The following CPNE8 variants were observed in gnomAD, a reference collection of about 807,000 sequenced individuals.
The protein encoded by CPNE8 is copine-8.
CPNE8 carries 45 observed loss-of-function variants against 81.5 expected under a neutral mutation model. That is an observed-to-expected ratio of 0.55 (90% confidence interval 0.44 to 0.71). The LOEUF is 0.71. CPNE8 is among the 30% of genes least tolerant of loss of function. The pLI is 0.00. For missense variants in CPNE8, 594 were observed against 672.1 expected, an observed-to-expected ratio of 0.88 and a Z score of 1.28; for synonymous variants, 252 against 226.3, an observed-to-expected ratio of 1.11 and a Z score of -1.02.
intron 9 of CPNE8, 62 bp downstream of exon 9, chr12:38,762,050 C>T: frequency 2.4e-6 from 2 of 827,550 alleles, no homozygotes; most frequent in African/African-American, 1.8e-5. Flanking sequence ...CCCACTTCCT[C>T]AAATCACTGT....
intron 10 of CPNE8, among the ~76,000 whole-genome samples, chr12:38,755,739 C>G (rs1941442090): frequency 6.6e-6 from 1 of 151,912 alleles, no homozygotes; most frequent in Non-Finnish European, 1.5e-5. Flanking sequence ...CAATGTGTTT[C>G]AATAAAAAGA....
intron 1 of CPNE8, among the ~76,000 whole-genome samples, chr12:38,879,430 A>C (rs1308437170): frequency 6.6e-6 from 1 of 152,150 alleles, no homozygotes; most frequent in Non-Finnish European, 1.5e-5. Context: ...AGCCAAACTA[A>C]GGAAAAAATC....
At chr12:38,837,925 G>A (rs1943412518) in intron 5 of CPNE8, among the ~76,000 whole-genome samples, 1 of 152,104 alleles carries the variant, frequency 6.6e-6, no homozygotes, top group Admixed American at 6.6e-5. Context: ...AGAAAGATTT[G>A]AAAGGAAATA....
chr12:38,879,416 C>G (rs1424860045), intron 1 of CPNE8, among the ~76,000 whole-genome samples: 2 of 151,942 alleles, frequency 1.3e-5, no homozygotes, highest in Non-Finnish European at 2.9e-5. Flanking sequence ...AGGACCCTGT[C>G]TTTAGCCAAA....
intron 3 of CPNE8, among the ~76,000 whole-genome samples, chr12:38,852,479 G>A (rs1336016431): frequency 1.3e-5 from 2 of 149,934 alleles, no homozygotes; most frequent in Non-Finnish European, 3.0e-5. Context: ...GCGCATGCCT[G>A]TAATCCCAGT....
chr12:38,679,431 G>T (rs193114413), intron 16 of CPNE8: 4,819 of 340,650 alleles, frequency 0.014, 57 homozygotes, highest in South Asian at 0.045. Flanking sequence ...AAAATTCATA[G>T]AAATTTTATA....
chr12:38,654,020 G>A lies in CPNE8; in HGVS notation c.1557C>T (p.Ser519=). ...GGACATCTTTAGCCAATCTAGCCAT[G>A]CTCAGTATGTGGTTTCCACTTCTGT... ...YIDRSGNHIL[S]MARLAKDVLA... The change falls in exon 20 of 20, where the codon AGC becomes AGT. Residue 519 remains serine, a synonymous_variant. Coordinates refer to ENST00000331366, the MANE Select transcript of CPNE8 (RefSeq NM_153634.3). The A allele has an allele frequency of 6.2e-7, 1 of 1,613,338 alleles. No individual in the cohort carries two copies. Among genetic ancestry groups the A allele is most frequent in the Non-Finnish European group, 8.5e-7 (1 of 1,179,782 alleles).
intron 10 of CPNE8, among the ~76,000 whole-genome samples, chr12:38,759,485 T>C (rs1191818534): frequency 1.3e-5 from 2 of 152,116 alleles, no homozygotes; most frequent in African/African-American, 4.8e-5. Flanking sequence ...AGAATGCACA[T>C]AGAACTAAAT....
chr12:38,851,951 T>G (rs1943653761), intron 3 of CPNE8, among the ~76,000 whole-genome samples: 1 of 152,148 alleles, frequency 6.6e-6, no homozygotes, highest in Admixed American at 6.5e-5. Context: ...CTATTTCCTC[T>G]TACTAGAATG....
At chr12:38,893,786 ATAAC>A (rs1944346579) in intron 1 of CPNE8, among the ~76,000 whole-genome samples, 1 of 152,260 alleles carries the variant, frequency 6.6e-6, no homozygotes, top group South Asian at 2.1e-4. Context: ...AAGATAATAA[ATAAC>A]TTTTACTCTA....
chr12:38,885,986 C>T (rs996602923), intron 1 of CPNE8, among the ~76,000 whole-genome samples: 5 of 152,166 alleles, frequency 3.3e-5, no homozygotes, highest in East Asian at 1.9e-4. Context: ...GTACAGCATA[C>T]AGAACGGTGA....
At chr12:38,829,549 T>A in intron 5 of CPNE8, 94 bp from the exon 6 acceptor site, 1 of 811,586 alleles carries the variant, frequency 1.2e-6, no homozygotes, top group Non-Finnish European at 2.0e-6. Context: ...TTTTCATTGC[T>A]GAAATATTGA....
In CPNE8 at chr12:38,725,034, T is replaced by C. The variant is rs1940661481; in HGVS notation, c.799-135A>G. On this transcript the variant is annotated intron_variant, in intron 11 of 19. Coordinates refer to ENST00000331366, the MANE Select transcript of CPNE8 (RefSeq NM_153634.3). ...TATTCATTTACAAATGCTTTCAGTA[T>C]GACTTTGGACAGTCATTCAGTCAAA... 3.7e-6 allele frequency: 3 copies of C among 813,366 alleles called. No individual in the cohort carries two copies. In the Admixed American group the frequency reaches 7.4e-5, roughly 20 times the overall value. 50.4% of individuals were successfully genotyped at this position (813,366 alleles called of 1,614,324 possible). A position where few individuals can be genotyped will look rare whatever the true frequency, so the allele number is the denominator to read the frequency against.
intron 6 of CPNE8, among the ~76,000 whole-genome samples, chr12:38,813,275 G>A (rs1268433683): frequency 6.6e-6 from 1 of 152,134 alleles, no homozygotes; most frequent in Admixed American, 6.6e-5. Flanking sequence ...AGTTGTGACA[G>A]CCATATAATG....
intron 19 of CPNE8, among the ~76,000 whole-genome samples, chr12:38,666,959 C>G (rs1157646462): frequency 6.6e-6 from 1 of 152,146 alleles, no homozygotes; most frequent in African/African-American, 2.4e-5. Flanking sequence ...TTCTATAGCT[C>G]TTAGCCTGCC....
At chr12:38,736,769 CA>C (rs1452706548) in intron 10 of CPNE8, among the ~76,000 whole-genome samples, 4 of 151,900 alleles carry the variant, frequency 2.6e-5, no homozygotes, top group African/African-American at 9.7e-5. Flanking sequence ...ATAGTTAAGT[CA>C]AAAAATTCTT....
upstream of CPNE8, chr12:38,906,509 TG>T: frequency 4.1e-6 from 4 of 985,324 alleles, no homozygotes; most frequent in Non-Finnish European, 4.8e-6. Context: ...GACCTGAAAA[TG>T]GGGGCCGGGG....
At chr12:38,702,149 A>C (rs772982473) in intron 14 of CPNE8, among the ~76,000 whole-genome samples, 33 of 152,212 alleles carry the variant, frequency 2.2e-4, no homozygotes, top group Non-Finnish European at 4.4e-4. Context: ...TTGAAAGAAA[A>C]AAAAGACAAA....
intron 1 of CPNE8, among the ~76,000 whole-genome samples, chr12:38,902,056 A>C (rs1448333255): frequency 6.6e-6 from 1 of 151,852 alleles, no homozygotes; most frequent in African/African-American, 2.4e-5. Context: ...TCAAGCTTCA[A>C]TCGTTTATCT....
Sources: allele counts gnomAD v4.1 joint callset (sites outside exome capture counted in the v4.1 genomes callset), GRCh38; gene constraint gnomAD v4.1.1; transcripts MANE v1.5; gene names NCBI Gene and HGNC (gene_info 2026-07-23, HGNC 2026-07-21).